MAP3K1: variants seen among roughly 807,000 people sequenced by gnomAD.
MAP3K1 encodes the protein MAP/ERK kinase kinase 1.
In MAP3K1, 36 loss-of-function variants were observed where a neutral mutation model predicts 144.2. That is an observed-to-expected ratio of 0.25 (90% CI 0.19 to 0.33). The LOEUF is 0.33. Ranked by LOEUF, MAP3K1 falls within the 10% of genes least tolerant of loss-of-function variation. MAP3K1 has a pLI of 1.00. For synonymous variants in MAP3K1, 718 were observed against 688.7 expected, an observed-to-expected ratio of 1.04 and a Z score of -0.67; for missense variants, 1,650 against 1,881.9, an observed-to-expected ratio of 0.88 and a Z score of 2.28.
intron 11 of MAP3K1, among the ~76,000 whole-genome samples, chr5:56,879,922 C>G (rs1375868548): frequency 1.3e-5 from 2 of 152,140 alleles, no homozygotes; most frequent in African/African-American, 2.4e-5. Context: ...CTTTCTCTTC[C>G]TCTGCAAGTC....
Position 56,895,367 on chromosome 5 carries a change from T to G in MAP3K1, c.*1687T>G, listed in dbSNP as rs772914897. On this transcript the variant is annotated 3_prime_UTR_variant, in exon 20 of 20. Coordinates refer to ENST00000399503, the MANE Select transcript of MAP3K1 (RefSeq NM_005921.2). ...GTACTTGACTTTCTTTTTTATTTTG[T>G]TTTTTTTTTTTTTTGACTACTTAGA... 10 of 53,526 alleles carry G rather than the reference T, an allele frequency of 1.9e-4. No individual in the cohort carries two copies. Among genetic ancestry groups the G allele is most frequent in the Non-Finnish European group, 3.4e-4 (10 of 29,158 alleles). 3.3% of individuals were successfully genotyped at this position (53,526 alleles called of 1,614,324 possible). A position where few individuals can be genotyped will look rare whatever the true frequency, so the allele number is the denominator to read the frequency against.
intron 1 of MAP3K1, among the ~76,000 whole-genome samples, chr5:56,826,312 C>T (rs1337130441): frequency 6.6e-6 from 1 of 152,134 alleles, no homozygotes; most frequent in Non-Finnish European, 1.5e-5. Flanking sequence ...ACAAGTTCCT[C>T]GATATCTGAG....
chr5:56,892,438 A>G (rs1748576835), intron 19 of MAP3K1, among the ~76,000 whole-genome samples: 1 of 152,228 alleles, frequency 6.6e-6, no homozygotes. Flanking sequence ...TGCTAAAGAC[A>G]AGAAGGAACC....
intron 15 of MAP3K1, among the ~76,000 whole-genome samples, chr5:56,884,152 A>AT (rs1748307892): frequency 1.3e-5 from 2 of 152,172 alleles, no homozygotes. Context: ...GTCTCAAAAA[A>AT]AAATAAATAA....
At chr5:56,822,921 T>C (rs1746197768) in intron 1 of MAP3K1, among the ~76,000 whole-genome samples, 1 of 152,196 alleles carries the variant, frequency 6.6e-6, no homozygotes, top group Non-Finnish European at 1.5e-5. Context: ...CCTTAGGTGC[T>C]GGCAGTTTGA....
chr5:56,855,795 A>G (rs1167449878), intron 1 of MAP3K1, among the ~76,000 whole-genome samples: 2 of 152,232 alleles, frequency 1.3e-5, no homozygotes, highest in Admixed American at 6.5e-5. Flanking sequence ...TAAAGTTGTT[A>G]CTAATCCCAA....
At chr5:56,846,370 C>T (rs918413537) in intron 1 of MAP3K1, among the ~76,000 whole-genome samples, 26 of 152,156 alleles carry the variant, frequency 1.7e-4, no homozygotes, top group Non-Finnish European at 2.9e-4. Flanking sequence ...TTCTTTTATG[C>T]CTACACACCA....
chr5:56,853,897 CG>C (rs200798405), intron 1 of MAP3K1, among the ~76,000 whole-genome samples: 2,777 of 152,042 alleles, frequency 0.018, 44 homozygotes, highest in Middle Eastern at 0.051. Flanking sequence ...AGTCTAAGCC[CG>C]GGGGGAACCA....
Position 56,824,041 on chromosome 5 carries a change from C to T in MAP3K1, c.482+7986C>T, listed in dbSNP as rs1052602485. ...CATTTTTAGAATTCTTATCTGATAA[C>T]CCTACTTCATCCAAAATTCATTAAT... On this transcript the variant is annotated intron_variant, in intron 1 of 19. Transcript: ENST00000399503. 1.6e-4 allele frequency among the ~76,000 whole-genome samples: 24 copies of T among 152,124 alleles called. 1 individual carries two copies. The highest frequency in any genetic ancestry group is 1.5e-3 in the Admixed American group (23 of 15,280).
chr5:56,822,954 GGTGCCCATT>G (rs939182162), intron 1 of MAP3K1, among the ~76,000 whole-genome samples: 5 of 152,118 alleles, frequency 3.3e-5, no homozygotes, highest in African/African-American at 7.2e-5. Context: ...CCCCTAGCCA[GGTGCCCATT>G]GTCTCTCATT....
chr5:56,877,596 AC>A (rs776491682), intron 10 of MAP3K1, among the ~76,000 whole-genome samples: 1 of 151,336 alleles, frequency 6.6e-6, no homozygotes, highest in Admixed American at 6.6e-5. Flanking sequence ...GTCTCTTAAA[AC>A]CAAATACATA....
intron 1 of MAP3K1, among the ~76,000 whole-genome samples, chr5:56,849,719 G>A (rs1288556060): frequency 1.3e-5 from 2 of 151,954 alleles, no homozygotes; most frequent in East Asian, 3.8e-4. Context: ...TATCTTACTG[G>A]AAAATAGAAT....
intron 1 of MAP3K1, among the ~76,000 whole-genome samples, chr5:56,827,216 CAG>C: frequency 6.6e-6 from 1 of 152,290 alleles, no homozygotes; most frequent in East Asian, 1.9e-4. Context: ...TGGCTCTGGC[CAG>C]AGAGAGAGCC....
chr5:56,866,537 G>T (rs1386285744), intron 6 of MAP3K1, among the ~76,000 whole-genome samples: 1 of 152,090 alleles, frequency 6.6e-6, no homozygotes, highest in African/African-American at 2.4e-5. Flanking sequence ...TTTCTGTTCT[G>T]TATATTGCTT....
chr5:56,816,968 T>G, intron 1 of MAP3K1: 2 of 560,350 alleles, frequency 3.6e-6, no homozygotes, highest in South Asian at 7.7e-5. Context: ...CCGCAGCCCC[T>G]CCGGCTTGGC....
In MAP3K1 at chr5:56,856,544, G is replaced by A. The variant is rs1035536223; in HGVS notation, c.483-56G>A. ...GAACCATCCATTCTGTTTGTTCTTG[G>A]AAATTATTTTTCATATATACATTTC... On this transcript the variant is annotated intron_variant, in intron 1 of 19. Transcript: ENST00000399503. 3.4e-5 allele frequency: 50 copies of A among 1,468,562 alleles called. 1 individual carries two copies. The highest frequency in any genetic ancestry group is 3.6e-4 in the Middle Eastern group (2 of 5,626). The allele number at this position is 1,468,562 out of a possible 1,614,324, so 91.0% of individuals were successfully genotyped here. A position where few individuals can be genotyped will look rare whatever the true frequency, so the allele number is the denominator to read the frequency against.
At chr5:56,887,582 T>G (rs1043178387) in intron 18 of MAP3K1, 62 bp downstream of exon 18, 3 of 1,559,508 alleles carry the variant, frequency 1.9e-6, no homozygotes, top group Non-Finnish European at 2.7e-6. Context: ...AACAGCATTA[T>G]ACTAAATTAT....
At position 56,865,356 on chromosome 5, in the gene MAP3K1, G is replaced by A. The variant is rs765046318; in HGVS notation, c.1052G>A (p.Arg351His). Reference sequence around the variant, plus strand: ...ACTCTTTAGAACTGCAGCTGTGCACGTGGAACATTCTGTATTCATCTGCTA... The same window carrying A: ...ACTCTTTAGAACTGCAGCTGTGCACATGGAACATTCTGTATTCATCTGCTA... ...FIGPQNCSCARGTFCIHLLFV... is the reference protein window; with the variant it reads ...FIGPQNCSCAHGTFCIHLLFV... Residue 351 changes from arginine (R) to histidine (H), a missense_variant, in exon 5 of 20, where the codon CGT becomes CAT. This residue lies in a region of MAP3K1 where 125 missense variants were observed against 179.9 expected (regional missense o/e 0.69). Coordinates refer to ENST00000399503, the MANE Select transcript of MAP3K1 (RefSeq NM_005921.2). 22 of 1,604,422 alleles carry A rather than the reference G, an allele frequency of 1.4e-5. No individual in the cohort carries two copies. Among genetic ancestry groups the A allele is most frequent in the East Asian group, 4.5e-5 (2 of 44,670 alleles).
intron 2 of MAP3K1, among the ~76,000 whole-genome samples, chr5:56,857,800 A>G (rs1037853247): frequency 1.2e-4 from 19 of 152,278 alleles, no homozygotes; most frequent in Admixed American, 9.2e-4. Context: ...ATAACTCAAT[A>G]ATCCCTGTGG....
Sources: gnomAD v4.1 joint callset for allele counts (sites outside exome capture counted in the v4.1 genomes callset) on GRCh38, gnomAD v4.1.1 for gene constraint, gnomAD v4.1.1 regional missense constraint, MANE v1.5 for transcripts, NCBI Gene and HGNC (gene_info 2026-07-23, HGNC 2026-07-21) for gene names.